DYM: variants seen among roughly 807,000 people sequenced by gnomAD.
The protein encoded by DYM is dyggve-Melchior-Clausen syndrome protein.
DYM carries 78 observed loss-of-function variants against 93.1 expected under a neutral mutation model. The observed-to-expected ratio is 0.84, with a 90% CI of 0.70 to 1.01. DYM has a LOEUF of 1.01. Among genes scored for constraint, DYM ranks in the 50% least tolerant of loss-of-function variants. The pLI is 0.00. For missense variants in DYM, 789 were observed against 845.0 expected, an observed-to-expected ratio of 0.93 and a Z score of 0.82; for synonymous variants, 321 against 319.7, an observed-to-expected ratio of 1.00 and a Z score of -0.04.
intron 1 of DYM, among the ~76,000 whole-genome samples, chr18:49,447,995 T>C (rs2082239465): frequency 6.6e-6 from 1 of 152,076 alleles, no homozygotes; most frequent in Admixed American, 6.6e-5. Flanking sequence ...GTATGTGGTG[T>C]TTCAAGGTCA....
At chr18:49,087,839 T>C (rs1259309652) in intron 17 of DYM, among the ~76,000 whole-genome samples, 1 of 152,162 alleles carries the variant, frequency 6.6e-6, no homozygotes, top group Non-Finnish European at 1.5e-5. Context: ...TATCTCATTG[T>C]GGTTTTGATT....
intron 16 of DYM, among the ~76,000 whole-genome samples, chr18:49,106,709 T>C (rs1294499321): frequency 6.6e-6 from 1 of 152,226 alleles, no homozygotes; most frequent in East Asian, 1.9e-4. Flanking sequence ...AAAATTCTTT[T>C]CTTTAAGAAT....
chr18:49,218,340 G>C (rs1440663620), intron 13 of DYM, among the ~76,000 whole-genome samples: 3 of 152,192 alleles, frequency 2.0e-5, no homozygotes, highest in African/African-American at 7.2e-5. Flanking sequence ...ACATTAGACA[G>C]ATCAACGAAA....
At chr18:49,377,595 T>C (rs1599770843) in intron 5 of DYM, among the ~76,000 whole-genome samples, 1 of 152,086 alleles carries the variant, frequency 6.6e-6, no homozygotes, top group Admixed American at 6.6e-5. Flanking sequence ...ATAAAAATTC[T>C]ATAATAGAAT....
chr18:49,161,810 A>G (rs1053266616), intron 15 of DYM, among the ~76,000 whole-genome samples: 2 of 152,240 alleles, frequency 1.3e-5, no homozygotes, highest in Non-Finnish European at 2.9e-5. Context: ...TTTGTTTATC[A>G]TTGACTGATA....
intron 17 of DYM, among the ~76,000 whole-genome samples, chr18:49,066,828 C>G (rs1410775627): frequency 1.3e-5 from 2 of 152,068 alleles, no homozygotes; most frequent in African/African-American, 4.8e-5. Flanking sequence ...TACAAGGTGG[C>G]TATCATACTT....
At chr18:49,148,951 T>C (rs908587053) in intron 15 of DYM, among the ~76,000 whole-genome samples, 2 of 152,196 alleles carry the variant, frequency 1.3e-5, no homozygotes, top group African/African-American at 2.4e-5. Flanking sequence ...CTATTATTAT[T>C]ACATTGTAAT....
intron 13 of DYM, among the ~76,000 whole-genome samples, chr18:49,252,216 C>CAAAAAAAAAAAAAAAAAAGA (rs2094304484): frequency 3.7e-5 from 1 of 27,230 alleles, no homozygotes. Context: ...AGACTTGCCT[C>CAAAAAAAAAAAAAAAAAAGA]AAAAAAAAAA....
chr18:49,230,322 A>G (rs2093657493), intron 13 of DYM, among the ~76,000 whole-genome samples: 1 of 152,178 alleles, frequency 6.6e-6, no homozygotes, highest in Non-Finnish European at 1.5e-5. Context: ...TTTTAAGCTC[A>G]ATTCTAATGT....
Position 49,037,872 on chromosome 18 carries a change from T to G in DYM, c.*6183A>C, listed in dbSNP as rs1468243751. On this transcript the variant is annotated 3_prime_UTR_variant, in exon 18 of 18. Coordinates refer to ENST00000675505, the MANE Select transcript of DYM (RefSeq NM_001353214.3). ...CAGGGTCTTGCTCTGTCACCCAAGC[T>G]GGAGTGCAGTAGTGCAATTATAGCT... is the stretch of plus-strand genomic sequence containing the variant. Among the ~76,000 whole-genome samples, 1 of 152,224 alleles carries G rather than the reference T, an allele frequency of 6.6e-6. No homozygotes were observed. Among genetic ancestry groups the G allele is most frequent in the Non-Finnish European group, 1.5e-5 (1 of 68,034 alleles).
At chr18:49,089,920 C>A (rs2078891156) in intron 17 of DYM, among the ~76,000 whole-genome samples, 1 of 152,182 alleles carries the variant, frequency 6.6e-6, no homozygotes, top group Admixed American at 6.5e-5. Context: ...AACTGAGGGA[C>A]TGGCCTTGGC....
chr18:49,220,678 G>A (rs1477800841), intron 13 of DYM, among the ~76,000 whole-genome samples: 1 of 152,138 alleles, frequency 6.6e-6, no homozygotes, highest in Non-Finnish European at 1.5e-5. Flanking sequence ...TTAATAAATG[G>A]TGCTGGGAAA....
chr18:49,080,767 G>C (rs1159686598), intron 17 of DYM, among the ~76,000 whole-genome samples: 2 of 147,076 alleles, frequency 1.4e-5, no homozygotes, highest in African/African-American at 5.1e-5. Flanking sequence ...GGGCGGAGGG[G>C]CTCCTCACTT....
chr18:49,141,248 A>G (rs1297206841), intron 15 of DYM, among the ~76,000 whole-genome samples: 4 of 152,284 alleles, frequency 2.6e-5, no homozygotes, highest in African/African-American at 9.6e-5. Context: ...CAGCATGTTG[A>G]CAACTGGACT....
At chr18:49,399,149 G>C (rs2070470361) in intron 2 of DYM, among the ~76,000 whole-genome samples, 1 of 152,218 alleles carries the variant, frequency 6.6e-6, no homozygotes, top group Non-Finnish European at 1.5e-5. Context: ...AAAGCAGACA[G>C]ACAGTTCAGT....
At chr18:49,438,520 AAGGG>A (rs2081053736) in intron 1 of DYM, among the ~76,000 whole-genome samples, 1 of 152,170 alleles carries the variant, frequency 6.6e-6, no homozygotes, top group South Asian at 2.1e-4. Context: ...AAGGGCCTTC[AAGGG>A]CACCATCCCA....
intron 1 of DYM, among the ~76,000 whole-genome samples, chr18:49,437,908 T>C (rs1017061851): frequency 3.9e-5 from 6 of 152,178 alleles, no homozygotes; most frequent in Admixed American, 3.9e-4. Flanking sequence ...GACCACAAAA[T>C]TAAGTCTTAA....
At chr18:49,378,354 T>C (rs1488842095) in intron 5 of DYM, among the ~76,000 whole-genome samples, 1 of 152,180 alleles carries the variant, frequency 6.6e-6, no homozygotes, top group Non-Finnish European at 1.5e-5. Flanking sequence ...CCCACCAGCT[T>C]TCTTATTTAA....
chr18:49,037,897 T>C lies in DYM; in HGVS notation c.*6158A>G, dbSNP rs2070763881. ...TGGAGTGCAGTAGTGCAATTATAGC[T>C]CACTGCAGCCTCGACCTCCTGGGCA... On this transcript the variant is annotated 3_prime_UTR_variant, in exon 18 of 18. Coordinates refer to ENST00000675505, the MANE Select transcript of DYM (RefSeq NM_001353214.3). Among the ~76,000 whole-genome samples, 1 of 152,220 alleles carries C rather than the reference T, an allele frequency of 6.6e-6. No individual in the cohort carries two copies. Among genetic ancestry groups the C allele is most frequent in the Admixed American group, 6.5e-5 (1 of 15,280 alleles).
Sources: gnomAD v4.1 joint callset for allele counts (sites outside exome capture counted in the v4.1 genomes callset) on GRCh38, gnomAD v4.1.1 for gene constraint, MANE v1.5 for transcripts, NCBI Gene and HGNC (gene_info 2026-07-23, HGNC 2026-07-21) for gene names.